Variants in RYR3 observed in about 807,000 individuals in gnomAD.
RYR3 encodes the protein ryanodine receptor 3, also known as brain ryanodine receptor-calcium release channel.
A neutral mutation model predicts 584.3 loss-of-function variants in RYR3; 207 were observed. The observed-to-expected ratio is 0.35, with a 90% CI of 0.32 to 0.40. RYR3 has a LOEUF of 0.40. Ranked by LOEUF, RYR3 falls within the 10% of genes least tolerant of loss-of-function variation. The pLI, the probability that RYR3 is intolerant of heterozygous loss-of-function variation, is 1.00. For missense variants in RYR3, 5,616 were observed against 6,089.2 expected, an observed-to-expected ratio of 0.92 and a Z score of 2.59; for synonymous variants, 2,416 against 2,248.5, an observed-to-expected ratio of 1.07 and a Z score of -2.11.
At chr15:33,377,382 A>G (rs745316028) in intron 1 of RYR3, among the ~76,000 whole-genome samples, 2 of 152,206 alleles carry the variant, frequency 1.3e-5, no homozygotes, top group Non-Finnish European at 2.9e-5. Context: ...GGGGAAGAAG[A>G]CACTGAAGGA....
rs199964513 is a variant in RYR3, at chr15:33,575,113, AC to A, written c.1269-4860del. 8.4e-3 allele frequency among the ~76,000 whole-genome samples: 1,277 copies of A among 152,272 alleles called. 10 individuals are homozygous for A. The highest frequency in any genetic ancestry group is 0.017 in the Admixed American group (267 of 15,300). ...ATATATGTGTACCTAATACAGGGGC[AC>A]CCAGATCTATAAAACAAGTTCTTAG... On this transcript the variant is annotated intron_variant, in intron 12 of 103. Coordinates refer to ENST00000634891, the MANE Select transcript of RYR3 (RefSeq NM_001036.6).
At chr15:33,714,944 A>T (rs972520125) in intron 43 of RYR3, among the ~76,000 whole-genome samples, 9 of 152,262 alleles carry the variant, frequency 5.9e-5, no homozygotes, top group Non-Finnish European at 1.2e-4. Context: ...ACACCTACCT[A>T]CATAGTGACA....
At chr15:33,393,976 A>T (rs1273063138) in intron 1 of RYR3, among the ~76,000 whole-genome samples, 1 of 152,190 alleles carries the variant, frequency 6.6e-6, no homozygotes, top group African/African-American at 2.4e-5. Context: ...AGACACAGAG[A>T]CACAGGATCA....
chr15:33,734,096 CT>C lies in RYR3; in HGVS notation c.7425-2137del, dbSNP rs1282405897. On this transcript the variant is annotated intron_variant, in intron 48 of 103. Transcript: ENST00000634891. ...CTGTGTCATTGCATGGTATTATTTT[CT>C]TGGGGTGGGGAGTAAAGGCTGGTTG... is the stretch of plus-strand genomic sequence containing the variant. Among the ~76,000 whole-genome samples the C allele has an allele frequency of 3.9e-5, 6 of 152,198 alleles. No individual in the cohort carries two copies. In the East Asian group the frequency reaches 1.2e-3, roughly 29 times the overall value.
intron 29 of RYR3, 93 bp from the exon 30 acceptor site, chr15:33,647,331 A>G: frequency 3.1e-6 from 3 of 979,366 alleles, no homozygotes; most frequent in Non-Finnish European, 4.8e-6. Context: ...CCTAAACTTG[A>G]CTTGATCATT....
intron 3 of RYR3, among the ~76,000 whole-genome samples, chr15:33,524,104 G>T (rs375171296): frequency 3.6e-4 from 54 of 152,080 alleles, no homozygotes; most frequent in African/African-American, 1.3e-3. Context: ...GTACCATGTT[G>T]TTGCACTACC....
chr15:33,810,458 T>C, intron 70 of RYR3, 21 bp from the exon 71 acceptor site: 3 of 1,613,474 alleles, frequency 1.9e-6, no homozygotes, highest in Non-Finnish European at 2.5e-6. Flanking sequence ...CCTCTCTGTT[T>C]ATTTCAACAT....
intron 1 of RYR3, among the ~76,000 whole-genome samples, chr15:33,437,877 C>T (rs2045868711): frequency 6.6e-6 from 1 of 152,158 alleles, no homozygotes; most frequent in African/African-American, 2.4e-5. Flanking sequence ...GGACTACAGA[C>T]CCACCTGGCT....
At chr15:33,377,874 A>G (rs971694895) in intron 1 of RYR3, among the ~76,000 whole-genome samples, 1 of 82,924 alleles carries the variant, frequency 1.2e-5, no homozygotes, top group Non-Finnish European at 2.5e-5. Context: ...GCTCACTCCC[A>G]GGCCCAGGCA....
chr15:33,646,603 C>G (rs1270875615), intron 29 of RYR3, 77 bp downstream of exon 29: 11 of 1,333,366 alleles, frequency 8.2e-6, no homozygotes, highest in Non-Finnish European at 1.0e-5. Context: ...TTTACCCTAA[C>G]TCAGCATAGG....
At chr15:33,799,762 G>T (rs2152929229) in intron 67 of RYR3, among the ~76,000 whole-genome samples, 1 of 152,334 alleles carries the variant, frequency 6.6e-6, no homozygotes, top group South Asian at 2.1e-4. Flanking sequence ...TGAGGGGCAG[G>T]CTTGTGGGTC....
In RYR3 at chr15:33,482,321, A is replaced by C. The variant is rs117292140; in HGVS notation, c.171+8783A>C. On this transcript the variant is annotated intron_variant, in intron 2 of 103. Transcript: ENST00000634891. ...TGTAAAGTTAGCTCTCATTTTTATC[A>C]TCATTCTTCTATATGTAACAAACCT... Among the ~76,000 whole-genome samples the C allele has an allele frequency of 7.2e-3, 1,090 of 152,158 alleles. 6 individuals carry two copies. The highest frequency in any genetic ancestry group is 0.027 in the Middle Eastern group (8 of 294).
chr15:33,670,387 T>C (rs746163570), intron 37 of RYR3, 32 bp from the exon 38 acceptor site: 3 of 1,610,580 alleles, frequency 1.9e-6, no homozygotes, highest in East Asian at 2.2e-5. Context: ...ATGCACTGCT[T>C]TGGATTTTCA....
chr15:33,664,589 G>GTGTGTGTGTGTATATATATA (rs577496539), intron 36 of RYR3, among the ~76,000 whole-genome samples: 2 of 91,384 alleles, frequency 2.2e-5, no homozygotes, highest in South Asian at 5.0e-4. Flanking sequence ...GTGTGTGTGT[G>GTGTGTGTGTGTATATATATA]TATATATATA....
chr15:33,433,297 T>C (rs2045365781), intron 1 of RYR3, among the ~76,000 whole-genome samples: 1 of 152,196 alleles, frequency 6.6e-6, no homozygotes, highest in African/African-American at 2.4e-5. Context: ...ATTTGGCTTT[T>C]TCAGGCATTA....
intron 3 of RYR3, among the ~76,000 whole-genome samples, chr15:33,521,238 T>C (rs1002860381): frequency 7.9e-5 from 12 of 152,132 alleles, no homozygotes; most frequent in African/African-American, 2.9e-4. Flanking sequence ...AGAATCTAAG[T>C]TGGTGTTTTC....
At chr15:33,808,470 A>C (rs1380865359) in intron 70 of RYR3, among the ~76,000 whole-genome samples, 1 of 152,254 alleles carries the variant, frequency 6.6e-6, no homozygotes, top group Non-Finnish European at 1.5e-5. Flanking sequence ...TTGTGTAATC[A>C]AATCCACGTA....
intron 34 of RYR3, among the ~76,000 whole-genome samples, chr15:33,660,665 G>A (rs771927082): frequency 1.7e-4 from 26 of 152,206 alleles, no homozygotes; most frequent in Non-Finnish European, 3.2e-4. Context: ...TGGTATTAAG[G>A]AACAGTGCCA....
rs1362363770 is a variant in RYR3 at position 33,662,613 on chromosome 15, G to A, written c.5083G>A (p.Ala1695Thr). ...TCCCTTGGAGAGTCTCAGGACGAAGGCTCTGAGTATGCTGACAGAGGCAGT... is the reference window on the plus strand; with the variant it reads ...TCCCTTGGAGAGTCTCAGGACGAAGACTCTGAGTATGCTGACAGAGGCAGT... ...EIPLESLRTK[A>T]LSMLTEAVQC... Residue 1695 changes from alanine (A) to threonine (T), a missense_variant, in exon 35 of 104, where the codon GCT (alanine) becomes ACT (threonine). Around this residue, in one of 9 missense-constraint regions of RYR3, gnomAD observed 753 missense variants for 741.0 expected, o/e 1.02. Coordinates refer to ENST00000634891, the MANE Select transcript of RYR3 (RefSeq NM_001036.6). The A allele has an allele frequency of 6.2e-7, 1 of 1,614,032 alleles. No individual in the cohort carries two copies. Among genetic ancestry groups the A allele is most frequent in the East Asian group, 2.2e-5 (1 of 44,884 alleles).
Sources: allele counts gnomAD v4.1 joint callset (sites outside exome capture counted in the v4.1 genomes callset), GRCh38; gene constraint gnomAD v4.1.1; regional missense constraint gnomAD v4.1.1; transcripts MANE v1.5; gene names NCBI Gene and HGNC (gene_info 2026-07-23, HGNC 2026-07-21).